The following PUDP variants were observed in gnomAD, a reference collection of about 807,000 sequenced individuals.
The protein encoded by PUDP is pseudouridine 5'-phosphatase.
Under a neutral mutation model 9.4 loss-of-function variants are expected in PUDP, and 8 were observed. The ratio of observed to expected loss-of-function variants is 0.85; its 90% CI spans 0.50 to 1.53. The LOEUF is 1.53. Ranked by LOEUF, PUDP falls within the 40% of genes most tolerant of loss-of-function variation. PUDP has a pLI of 0.00. For synonymous variants in PUDP, 99 were observed against 80.7 expected (o/e 1.23, Z -1.22); for missense variants, 188 against 189.7 (o/e 0.99, Z 0.05).
intron 3 of PUDP, among the ~76,000 whole-genome samples, chrX:6,920,826 C>T (rs1488558840): frequency 8.9e-6 from 1 of 111,904 alleles, no homozygotes; most frequent in African/African-American, 3.2e-5. Context: ...ACATCTTCAA[C>T]CTTGACAAAA....
chrX:6,745,077 T>C (rs17315559), intron 3 of PUDP, among the ~76,000 whole-genome samples: 4,984 of 111,668 alleles, frequency 0.045, 188 homozygotes, highest in African/African-American at 0.12. Context: ...TACATAGTCC[T>C]GCTCGAAAAT....
At chrX:7,065,667 G>A (rs997256821) in intron 3 of PUDP, among the ~76,000 whole-genome samples, 7 of 112,298 alleles carry the variant, frequency 6.2e-5, no homozygotes, top group South Asian at 3.6e-4. Context: ...AGGCCAGATC[G>A]GGTGAGGAAG....
intron 3 of PUDP, among the ~76,000 whole-genome samples, chrX:6,956,994 C>T (rs1353976660): frequency 1.8e-5 from 2 of 112,224 alleles, no homozygotes; most frequent in Non-Finnish European, 3.8e-5. Context: ...ATGGATTCAC[C>T]TCATCATGTC....
At chrX:6,716,314 A>G (rs1281167738) in intron 1 of PUDP, among the ~76,000 whole-genome samples, 2 of 111,561 alleles carry the variant, frequency 1.8e-5, no homozygotes, top group East Asian at 5.7e-4. Context: ...TGTGCTGATT[A>G]TTTACTTTAA....
chrX:6,844,037 A>G (rs1269280752), intron 3 of PUDP, among the ~76,000 whole-genome samples: 5 of 112,290 alleles, frequency 4.5e-5, no homozygotes, highest in Non-Finnish European at 7.5e-5. Context: ...GAATCCATTG[A>G]TTGTATTTTC....
intron 3 of PUDP, among the ~76,000 whole-genome samples, chrX:6,752,000 ATCATTTCC>A (rs1925097333): frequency 9.0e-6 from 1 of 110,750 alleles, no homozygotes; most frequent in Non-Finnish European, 1.9e-5. Context: ...GTTTCATCTC[ATCATTTCC>A]TAAATTCCTC....
At chrX:7,027,838 CTATA>C (rs1156984294) in intron 1 of PUDP, among the ~76,000 whole-genome samples, 2 of 79,704 alleles carry the variant, frequency 2.5e-5, no homozygotes, top group African/African-American at 1.0e-4. Flanking sequence ...ATACTATATT[CTATA>C]TATAGACTAT....
intron 3 of PUDP, among the ~76,000 whole-genome samples, chrX:6,931,284 G>A (rs1928187073): frequency 8.9e-6 from 1 of 111,968 alleles, no homozygotes; most frequent in African/African-American, 3.3e-5. Context: ...CTTGGTCACA[G>A]CAACAGAGAA....
chrX:7,081,143 A>G (rs1286085295), intron 2 of PUDP, among the ~76,000 whole-genome samples: 1 of 111,844 alleles, frequency 8.9e-6, no homozygotes, highest in Non-Finnish European at 1.9e-5. Context: ...ATTAATTTTA[A>G]AAACTTAAAC....
At chrX:6,857,983 G>A (rs1926932370) in intron 3 of PUDP, among the ~76,000 whole-genome samples, 1 of 111,976 alleles carries the variant, frequency 8.9e-6, no homozygotes, top group Non-Finnish European at 1.9e-5. Context: ...GACTCAGGGT[G>A]CACTGAAGTT....
At chrX:6,846,115 T>C (rs921286119) in intron 3 of PUDP, among the ~76,000 whole-genome samples, 2 of 111,920 alleles carry the variant, frequency 1.8e-5, no homozygotes, top group African/African-American at 6.5e-5. Flanking sequence ...AACATTGGTT[T>C]TGGAAACATT....
chrX:6,894,768 T>C (rs765196104), intron 3 of PUDP, among the ~76,000 whole-genome samples: 1 of 111,633 alleles, frequency 9.0e-6, no homozygotes, highest in East Asian at 2.8e-4. Flanking sequence ...AGAGGCTACT[T>C]GGAGGAACTC....
intron 3 of PUDP, among the ~76,000 whole-genome samples, chrX:7,052,742 C>A (rs1270465790): frequency 9.0e-6 from 1 of 111,603 alleles, no homozygotes; most frequent in African/African-American, 3.3e-5. Flanking sequence ...CCAGCTGTTT[C>A]GGTTTGCTTG....
chrX:6,916,241 CACACA>C lies in PUDP; in HGVS notation c.*247+60887_*247+60891del, dbSNP rs1569122789. 1.3e-3 allele frequency among the ~76,000 whole-genome samples: 113 copies of C among 84,323 alleles called. 2 individuals are homozygous for C. Among genetic ancestry groups the C allele is most frequent in the African/African-American group, 5.1e-3 (103 of 20,203 alleles). The allele number at this position is 84,323 out of a possible 115,157, so 73.2% of individuals were successfully genotyped here. A position where few individuals can be genotyped will look rare whatever the true frequency, so the allele number is the denominator to read the frequency against. ...ACACACACACACACACACACACACA[CACACA>C]CACCCTGGGGAACTGGTAAATTTGG... On this transcript the variant is annotated intron_variant and NMD_transcript_variant, in intron 3 of 3. Transcript: ENST00000655425.
At chrX:6,877,478 C>T (rs888589534) in intron 3 of PUDP, among the ~76,000 whole-genome samples, 1 of 111,468 alleles carries the variant, frequency 9.0e-6, no homozygotes, top group Non-Finnish European at 1.9e-5. Context: ...AGGACCATAA[C>T]GTGAGAAGTT....
chrX:6,832,189 G>C (rs750110273), intron 3 of PUDP, among the ~76,000 whole-genome samples: 1 of 112,072 alleles, frequency 8.9e-6, no homozygotes, highest in Non-Finnish European at 1.9e-5. Context: ...GCCATCCTCA[G>C]ACTGGCAAAT....
intron 3 of PUDP, chrX:7,057,968 C>T: frequency 4.5e-6 from 2 of 447,126 alleles, no homozygotes; most frequent in Admixed American, 3.8e-5. Context: ...GATGCTTCCA[C>T]CTTTGGCTCC....
intron 3 of PUDP, among the ~76,000 whole-genome samples, chrX:6,826,226 A>AT (rs1468875387): frequency 1.8e-5 from 2 of 112,104 alleles, no homozygotes; most frequent in South Asian, 3.7e-4. Flanking sequence ...TGGAAAGTCT[A>AT]TTTTTTTAAT....
At chrX:6,827,860 T>C (rs1029621082) in intron 3 of PUDP, among the ~76,000 whole-genome samples, 2 of 111,945 alleles carry the variant, frequency 1.8e-5, no homozygotes, top group African/African-American at 3.2e-5. Flanking sequence ...ACACTTCGAG[T>C]AGTTTATCTA....
Sources: gnomAD v4.1 joint callset for allele counts (sites outside exome capture counted in the v4.1 genomes callset) on GRCh38, gnomAD v4.1.1 for gene constraint, MANE v1.5 for transcripts, NCBI Gene and HGNC (gene_info 2026-07-23, HGNC 2026-07-21) for gene names.